STAC: variants seen among roughly 807,000 people sequenced by gnomAD.
The protein encoded by STAC is SH3 and cysteine-rich domain-containing protein.
STAC carries 43 observed loss-of-function variants against 48.8 expected under a neutral mutation model. The observed-to-expected ratio is 0.88, with a 90% CI of 0.69 to 1.14. The LOEUF (loss-of-function observed/expected upper bound fraction) is 1.14. Among genes scored for constraint, STAC ranks in the 50% most tolerant of loss-of-function variants. The pLI is 0.00. For synonymous variants in STAC, 193 were observed against 179.5 expected (o/e 1.07, Z -0.60); for missense variants, 497 against 504.0 (o/e 0.99, Z 0.13).
chr3:36,388,115 T>C (rs1699663816), intron 1 of STAC, among the ~76,000 whole-genome samples: 1 of 152,160 alleles, frequency 6.6e-6, no homozygotes, highest in Non-Finnish European at 1.5e-5. Context: ...GAGAAATATC[T>C]AGTCAAGGCC....
intron 1 of STAC, among the ~76,000 whole-genome samples, chr3:36,439,064 C>T (rs959860078): frequency 2.6e-5 from 4 of 152,188 alleles, no homozygotes; most frequent in African/African-American, 9.7e-5. Context: ...TGATGACTCT[C>T]CTCCACTCCT....
intron 10 of STAC, among the ~76,000 whole-genome samples, chr3:36,534,859 T>A (rs1699162729): frequency 6.6e-6 from 1 of 151,950 alleles, no homozygotes; most frequent in Non-Finnish European, 1.5e-5. Flanking sequence ...AGAAGTGGGG[T>A]TTTGACATGT....
chr3:36,483,522 A>G (rs1697713875), intron 3 of STAC, among the ~76,000 whole-genome samples: 1 of 152,192 alleles, frequency 6.6e-6, no homozygotes, highest in African/African-American at 2.4e-5. Context: ...AAGCCCCCAC[A>G]AAAGAGGAGA....
chr3:36,476,454 G>A (rs1697496591), intron 2 of STAC, among the ~76,000 whole-genome samples: 1 of 152,140 alleles, frequency 6.6e-6, no homozygotes, highest in South Asian at 2.1e-4. Context: ...GCCCTCAAGA[G>A]GCGTGACCCA....
intron 6 of STAC, 118 bp downstream of exon 6, chr3:36,493,347 G>T: frequency 2.2e-6 from 2 of 894,576 alleles, no homozygotes; most frequent in South Asian, 3.0e-5. Flanking sequence ...TAATCAGGGC[G>T]AGTGTTCAAT....
intron 7 of STAC, among the ~76,000 whole-genome samples, 176 bp from the exon 8 acceptor site, chr3:36,505,570 A>T (rs768574383): frequency 6.6e-6 from 1 of 152,226 alleles, no homozygotes; most frequent in Non-Finnish European, 1.5e-5. Flanking sequence ...ACCTCGGTTA[A>T]GAAATTAAAA....
rs554581453 is a variant in STAC, at chr3:36,475,310, G to A, written c.389-7682G>A. ...GGAGCATTGACTTCTTCAAATCATC[G>A]TGATTTCTTAGATTTTGAAGCCACA... On this transcript the variant is annotated intron_variant, in intron 2 of 10. Coordinates refer to ENST00000273183, the MANE Select transcript of STAC (RefSeq NM_003149.3). Among the ~76,000 whole-genome samples, 126 of 151,378 alleles carry A rather than the reference G, an allele frequency of 8.3e-4. 2 individuals are homozygous for A. The highest frequency in any genetic ancestry group is 2.3e-3 in the African/African-American group (96 of 41,232).
chr3:36,512,101 C>T (rs1237132992), intron 8 of STAC, among the ~76,000 whole-genome samples: 1 of 152,062 alleles, frequency 6.6e-6, no homozygotes, highest in Admixed American at 6.6e-5. Context: ...AGTCCTGGCT[C>T]CTTAGATTTG....
At chr3:36,531,769 C>A (rs977416816) in intron 10 of STAC, among the ~76,000 whole-genome samples, 2 of 152,152 alleles carry the variant, frequency 1.3e-5, no homozygotes, top group Non-Finnish European at 2.9e-5. Context: ...CAGTGAGAAA[C>A]CCCTGGCACC....
intron 1 of STAC, among the ~76,000 whole-genome samples, chr3:36,440,096 A>G (rs1696299788): frequency 6.6e-6 from 1 of 152,142 alleles, no homozygotes; most frequent in African/African-American, 2.4e-5. Context: ...ATGTTGCCCT[A>G]TTAGCAGCCC....
At chr3:36,538,585 T>C (rs1440567382) in intron 10 of STAC, among the ~76,000 whole-genome samples, 2 of 152,174 alleles carry the variant, frequency 1.3e-5, no homozygotes, top group African/African-American at 4.8e-5. Flanking sequence ...TACTGCCAAA[T>C]TGCATTCAGA....
At chr3:36,533,639 C>T (rs1699126732) in intron 10 of STAC, among the ~76,000 whole-genome samples, 2 of 151,996 alleles carry the variant, frequency 1.3e-5, no homozygotes, top group South Asian at 4.2e-4. Flanking sequence ...TGTTCAGTGA[C>T]TCCCACCAAT....
chr3:36,468,802 T>G (rs528176753), intron 2 of STAC, among the ~76,000 whole-genome samples: 1 of 150,588 alleles, frequency 6.6e-6, no homozygotes, highest in Non-Finnish European at 1.5e-5. Flanking sequence ...AGAATTGTGA[T>G]ATTTTCCTGT....
At chr3:36,410,355 T>C (rs1463367240) in intron 1 of STAC, among the ~76,000 whole-genome samples, 1 of 152,190 alleles carries the variant, frequency 6.6e-6, no homozygotes, top group Non-Finnish European at 1.5e-5. Context: ...CTAACTAATG[T>C]TTATTGGGTT....
At chr3:36,391,373 CTTACTTCTTATCAT>C (rs1699748269) in intron 1 of STAC, among the ~76,000 whole-genome samples, 1 of 152,182 alleles carries the variant, frequency 6.6e-6, no homozygotes, top group Non-Finnish European at 1.5e-5. Flanking sequence ...TGGGCTAAAT[CTTACTTCTTATCAT>C]TTCATCCACC....
At position 36,380,627 on chromosome 3, in the gene STAC, G is replaced by T; in HGVS notation, c.-17G>T. On this transcript the variant is annotated 5_prime_UTR_variant, in exon 1 of 11. Transcript: ENST00000273183. ...GCTGTTCCTCCGGGAGCCCAACACC[G>T]TTCCCGCGCGGCCACGATGATCCCT... is the stretch of plus-strand genomic sequence containing the variant. 1.3e-6 allele frequency: 2 copies of T among 1,563,794 alleles called. No individual in the cohort carries two copies. Among genetic ancestry groups the T allele is most frequent in the Non-Finnish European group, 1.7e-6 (2 of 1,151,600 alleles).
chr3:36,414,701 G>C (rs1700278006), intron 1 of STAC, among the ~76,000 whole-genome samples: 1 of 152,208 alleles, frequency 6.6e-6, no homozygotes, highest in Non-Finnish European at 1.5e-5. Flanking sequence ...GCTTTGTTCT[G>C]TTGCTGGTAA....
At chr3:36,436,258 G>A (rs547080870) in intron 1 of STAC, among the ~76,000 whole-genome samples, 12 of 152,210 alleles carry the variant, frequency 7.9e-5, no homozygotes, top group South Asian at 2.1e-4. Context: ...CAGGATTATC[G>A]CAAGAGTCTC....
chr3:36,398,601 A>AAGGAAGAAAGGAAGGAGGG (rs1559477421), intron 1 of STAC, among the ~76,000 whole-genome samples: 1 of 35,826 alleles, frequency 2.8e-5, no homozygotes, highest in Non-Finnish European at 5.5e-5. Context: ...AGGAAGGAAG[A>AAGGAAGAAAGGAAGGAGGG]AAGGAAGGAG....
Sources: allele counts gnomAD v4.1 joint callset (sites outside exome capture counted in the v4.1 genomes callset), GRCh38; gene constraint gnomAD v4.1.1; transcripts MANE v1.5; gene names NCBI Gene and HGNC (gene_info 2026-07-23, HGNC 2026-07-21).